Variants in ZMIZ1 observed in about 807,000 individuals in gnomAD.
The protein encoded by ZMIZ1 is zinc finger MIZ-type containing 1.
Under a neutral mutation model 113.9 loss-of-function variants are expected in ZMIZ1, and 17 were observed. The observed-to-expected ratio is 0.15, with a 90% CI of 0.10 to 0.22. ZMIZ1 has a LOEUF of 0.22. ZMIZ1 is among the 10% of genes least tolerant of loss of function. ZMIZ1 has a pLI of 1.00. For synonymous variants in ZMIZ1, 607 were observed against 603.1 expected (o/e 1.01, Z -0.09); for missense variants, 1,059 against 1,477.8 (o/e 0.72, Z 4.65).
chr10:79,215,341 C>T (rs1349776767), intron 6 of ZMIZ1, among the ~76,000 whole-genome samples: 4 of 151,472 alleles, frequency 2.6e-5, no homozygotes. Context: ...GCTGTTCTGC[C>T]CAGGCTGGAG....
rs775843491 is a variant in ZMIZ1 at position 79,299,063 on chromosome 10, C to T, written c.1680C>T (p.Asp560=). The T allele has an allele frequency of 4.3e-5, 69 of 1,610,216 alleles. No homozygotes were observed. Among genetic ancestry groups the T allele is most frequent in the South Asian group, 2.4e-4 (22 of 90,902 alleles). Residue 560 remains aspartate (D), a synonymous_variant, in exon 16 of 25, where the codon GAC becomes GAT. Coordinates refer to ENST00000334512, the MANE Select transcript of ZMIZ1 (RefSeq NM_020338.4). Reference sequence around the variant, plus strand: ...TCCTCGCCCCAGCCAACCACAATGACGAGCTGCGGCTCACATTCCCTGTGC... The same window carrying T: ...TCCTCGCCCCAGCCAACCACAATGATGAGCTGCGGCTCACATTCCCTGTGC... ...ALPPPPANHN[D]ELRLTFPVRD... is the part of the protein sequence containing the mutation.
At chr10:79,143,889 C>T (rs1299513947) in intron 3 of ZMIZ1, among the ~76,000 whole-genome samples, 1 of 152,114 alleles carries the variant, frequency 6.6e-6, no homozygotes, top group African/African-American at 2.4e-5. Context: ...ATGGCCAGGA[C>T]GTGAGAGGAG....
At chr10:79,104,897 G>A (rs1331279489) in intron 1 of ZMIZ1, among the ~76,000 whole-genome samples, 1 of 151,624 alleles carries the variant, frequency 6.6e-6, no homozygotes, top group African/African-American at 2.4e-5. Context: ...GATGGGCCTT[G>A]ATTTCCTATC....
intron 1 of ZMIZ1, among the ~76,000 whole-genome samples, chr10:79,100,640 G>T (rs1409490651): frequency 6.6e-6 from 1 of 152,182 alleles, no homozygotes; most frequent in Non-Finnish European, 1.5e-5. Flanking sequence ...ACCAGTAGCT[G>T]CAGTGGCTGC....
intron 8 of ZMIZ1, among the ~76,000 whole-genome samples, chr10:79,280,406 C>T (rs1564577699): frequency 1.3e-5 from 2 of 151,934 alleles, no homozygotes; most frequent in Non-Finnish European, 2.9e-5. Context: ...TCCTGAGTAG[C>T]TGGAAGCATA....
intron 7 of ZMIZ1, among the ~76,000 whole-genome samples, chr10:79,252,597 C>G (rs571610365): frequency 1.3e-5 from 2 of 152,198 alleles, no homozygotes; most frequent in African/African-American, 4.8e-5. Flanking sequence ...TGATCTTGTG[C>G]TTGAGATGTC....
intron 7 of ZMIZ1, among the ~76,000 whole-genome samples, chr10:79,264,070 TGGAAAGCAGGC>T (rs1201760583): frequency 6.6e-6 from 1 of 152,080 alleles, no homozygotes; most frequent in East Asian, 1.9e-4. Context: ...ACATGCGGAA[TGGAAAGCAGGC>T]GCTCAGGGTG....
chr10:79,111,891 A>T (rs1843757363), intron 1 of ZMIZ1, among the ~76,000 whole-genome samples: 1 of 152,248 alleles, frequency 6.6e-6, no homozygotes, highest in Admixed American at 6.5e-5. Flanking sequence ...AGTGTTTGGA[A>T]CAAATGTGAA....
At chr10:79,155,411 A>G (rs1303327247) in intron 3 of ZMIZ1, among the ~76,000 whole-genome samples, 1 of 152,148 alleles carries the variant, frequency 6.6e-6, no homozygotes, top group East Asian at 1.9e-4. Context: ...TCTGAATCCT[A>G]GTTTGAATCC....
At chr10:79,224,663 C>T (rs549361835) in intron 7 of ZMIZ1, among the ~76,000 whole-genome samples, 1 of 152,270 alleles carries the variant, frequency 6.6e-6, no homozygotes, top group South Asian at 2.1e-4. Flanking sequence ...CCCACGGCCA[C>T]CTGATTGGGA....
chr10:79,077,800 G>T (rs915915090), intron 1 of ZMIZ1, among the ~76,000 whole-genome samples: 1 of 152,240 alleles, frequency 6.6e-6, no homozygotes, highest in Non-Finnish European at 1.5e-5. Context: ...TCCTCCATAG[G>T]TTGAGAAGAT....
At chr10:79,123,661 C>A (rs1589299774) in intron 2 of ZMIZ1, among the ~76,000 whole-genome samples, 1 of 152,324 alleles carries the variant, frequency 6.6e-6, no homozygotes, top group South Asian at 2.1e-4. Flanking sequence ...ACAGCTGTTG[C>A]TCAGAGCTCT....
intron 4 of ZMIZ1, among the ~76,000 whole-genome samples, chr10:79,165,949 T>TGC (rs869134970): frequency 0.014 from 574 of 39,866 alleles, 7 homozygotes; most frequent in African/African-American, 0.06. Flanking sequence ...CCAGCTCAGC[T>TGC]GTGTGTGTGT....
At chr10:79,303,317 G>C (rs1339212487) in intron 18 of ZMIZ1, among the ~76,000 whole-genome samples, 2 of 151,900 alleles carry the variant, frequency 1.3e-5, no homozygotes, top group Non-Finnish European at 2.9e-5. Context: ...AGCCAGGTGT[G>C]GTGGTTTGTG....
At chr10:79,299,270 G>T in intron 16 of ZMIZ1, 79 bp downstream of exon 16, 2 of 1,525,656 alleles carry the variant, frequency 1.3e-6, no homozygotes, top group Non-Finnish European at 1.8e-6. Context: ...CCCGAGTGGG[G>T]CCCTGGGCAG....
At chr10:79,240,481 TAGAA>T (rs1037785177) in intron 7 of ZMIZ1, among the ~76,000 whole-genome samples, 44 of 152,218 alleles carry the variant, frequency 2.9e-4, no homozygotes, top group South Asian at 1.2e-3. Flanking sequence ...GGCGTGTAAC[TAGAA>T]AGAGTTTGCT....
Position 79,296,707 on chromosome 10 carries a change from A to C in ZMIZ1, c.1413+54A>C. ...GGGCCCCTTCCCTCCTAACCACCTC[A>C]CTCCCCTAACTCCACCGGGATCACT... On this transcript the variant is annotated intron_variant, in intron 13 of 24. Transcript: ENST00000334512. The surrounding 1 kb of genome is among the most constrained non-coding windows in gnomAD (Gnocchi z 4.1). The C allele has an allele frequency of 2.8e-6, 4 of 1,453,614 alleles. No individual in the cohort carries two copies. Among genetic ancestry groups the C allele is most frequent in the Non-Finnish European group, 3.7e-6 (4 of 1,085,910 alleles). 90.0% of individuals were successfully genotyped at this position (1,453,614 alleles called of 1,614,324 possible).
chr10:79,204,226 C>G (rs1282792775), intron 5 of ZMIZ1, among the ~76,000 whole-genome samples: 1 of 152,240 alleles, frequency 6.6e-6, no homozygotes, highest in African/African-American at 2.4e-5. Flanking sequence ...CCTTCCTGCC[C>G]TCACCTTGGT....
At chr10:79,282,814 G>C (rs888705371) in intron 8 of ZMIZ1, among the ~76,000 whole-genome samples, 1 of 152,180 alleles carries the variant, frequency 6.6e-6, no homozygotes, top group African/African-American at 2.4e-5. Context: ...TCCCTGTTTT[G>C]TCCTCATCAC....
Sources: allele counts gnomAD v4.1 joint callset (sites outside exome capture counted in the v4.1 genomes callset), GRCh38; gene constraint gnomAD v4.1.1; non-coding constraint Gnocchi (gnomAD v3.1); transcripts MANE v1.5; gene names NCBI Gene and HGNC (gene_info 2026-07-23, HGNC 2026-07-21).